The following P3H4 variants were observed in gnomAD, a reference collection of about 807,000 sequenced individuals.
The protein encoded by P3H4 is endoplasmic reticulum protein SC65.
P3H4 carries 47 observed loss-of-function variants against 52.9 expected under a neutral mutation model. The observed-to-expected ratio is 0.89, with a 90% CI of 0.70 to 1.13. The LOEUF is 1.13. Ranked by LOEUF, P3H4 falls within the 50% of genes most tolerant of loss-of-function variation. The pLI is 0.00. For missense variants in P3H4, 585 were observed against 611.0 expected (o/e 0.96, Z 0.45); for synonymous variants, 256 against 267.9 (o/e 0.96, Z 0.44).
chr17:41,803,000 C>T (rs368602485), intron 7 of P3H4, 21 bp from the exon 8 acceptor site: 1 of 1,609,460 alleles, frequency 6.2e-7, no homozygotes. Context: ...AAGGAGAAAG[C>T]ACTGGGGTTG....
At chr17:41,807,255 G>A in intron 5 of P3H4, 1 of 288,054 alleles carries the variant, frequency 3.5e-6, no homozygotes. Context: ...GGTAGGGAGG[G>A]GAGCAGGTAG....
At chr17:41,803,532 G>C (rs1419229083) in intron 6 of P3H4, 101 bp from the exon 7 acceptor site, 1 of 1,052,562 alleles carries the variant, frequency 9.5e-7, no homozygotes, top group East Asian at 2.6e-5. Flanking sequence ...CCATCTCTCG[G>C]TCCCCAAAGC....
intron 5 of P3H4, 41 bp from the exon 6 acceptor site, chr17:41,806,920 C>T (rs782723140): frequency 4.9e-5 from 75 of 1,531,570 alleles, no homozygotes; most frequent in Non-Finnish European, 6.7e-5. Context: ...GAGCCATACC[C>T]TGTTGCCAGA....
intron 3 of P3H4, 111 bp downstream of exon 3, chr17:41,810,752 T>TC (rs1328037863): frequency 7.4e-7 from 1 of 1,351,544 alleles, no homozygotes; most frequent in Non-Finnish European, 1.0e-6. Context: ...AAGGCCTTCC[T>TC]CCCGGCTGGC....
chr17:41,805,663 G>C (rs1259343951), intron 6 of P3H4, among the ~76,000 whole-genome samples: 4 of 152,080 alleles, frequency 2.6e-5, no homozygotes, highest in Non-Finnish European at 1.5e-5. Context: ...TGTGAGATGG[G>C]CATGATTCTC....
At position 41,808,121 on chromosome 17, in the gene P3H4, C is replaced by T. The variant is rs191086760; in HGVS notation, c.917-117G>A. 47 of 1,290,362 alleles carry T rather than the reference C, an allele frequency of 3.6e-5. No homozygotes were observed. In the East Asian group the frequency reaches 1.1e-3, roughly 31 times the overall value. 79.9% of individuals were successfully genotyped at this position (1,290,362 alleles called of 1,614,324 possible). On this transcript the variant is annotated intron_variant, in intron 4 of 7. Transcript: ENST00000393928. ...GCCACCTCCCAGAATACCTAATGGG[C>T]TCCTTATCCCACCCAAGCATAATGC...
chr17:41,803,475 GC>G, intron 6 of P3H4, 44 bp from the exon 7 acceptor site: 1 of 1,593,196 alleles, frequency 6.3e-7, no homozygotes, highest in East Asian at 2.3e-5. Context: ...GTCACAGTAC[GC>G]CCAAACCCAT....
In P3H4 at chr17:41,803,377, C is replaced by A; in HGVS notation, c.1201G>T (p.Ala401Ser). The part of the protein sequence containing the change: ...PLEPEDALSD[A>S]EFEGEGDYEE... Reference sequence around the variant, plus strand: ...TAGTCACCCTCCCCCTCAAACTCGGCGTCAGATAGGGCATCCTCAGGCTCC... The same window carrying A: ...TAGTCACCCTCCCCCTCAAACTCGGAGTCAGATAGGGCATCCTCAGGCTCC... Residue 401 changes from alanine (A) to serine (S), a missense_variant, in exon 7 of 8, where the codon GCC (alanine) becomes TCC (serine). Physicochemically the swap from Ala to Ser is moderately conservative, Grantham distance 99. Coordinates refer to ENST00000393928, the MANE Select transcript of P3H4 (RefSeq NM_006455.3). 1 of 1,614,016 alleles carries A rather than the reference C, an allele frequency of 6.2e-7. No individual in the cohort carries two copies. The highest frequency in any genetic ancestry group is 8.5e-7 in the Non-Finnish European group (1 of 1,179,932).
At chr17:41,808,036 G>A in intron 4 of P3H4, 32 bp from the exon 5 acceptor site, 1 of 1,596,492 alleles carries the variant, frequency 6.3e-7, no homozygotes, top group South Asian at 1.1e-5. Context: ...GAATTGCTCT[G>A]GCACTTCCCC....
Position 41,808,748 on chromosome 17 carries a change from TTAGA to T in P3H4, c.917-748_917-745del, listed in dbSNP as rs576894391. Among the ~76,000 whole-genome samples, 297 of 152,034 alleles carry T rather than the reference TTAGA, an allele frequency of 2.0e-3. 3 individuals are homozygous for T. The highest frequency in any genetic ancestry group is 6.8e-3 in the African/African-American group (283 of 41,460). ...TCAAGAAATCTGAGTCACAGAGAGGTTAGATAAATTGCTCAAGCTCACACAGCTG... is the reference window on the plus strand; with the variant it reads ...TCAAGAAATCTGAGTCACAGAGAGGTTAAATTGCTCAAGCTCACACAGCTG... On this transcript the variant is annotated intron_variant, in intron 4 of 7. Coordinates refer to ENST00000393928, the MANE Select transcript of P3H4 (RefSeq NM_006455.3).
In P3H4 at chr17:41,810,958, AAGGCCCGCTCC is replaced by A. The variant is rs782045534; in HGVS notation, c.681_691del (p.Met227IlefsTer16). 4 of 1,614,156 alleles carry A rather than the reference AAGGCCCGCTCC, an allele frequency of 2.5e-6. No individual in the cohort carries two copies. In the South Asian group the frequency reaches 4.4e-5, roughly 18 times the overall value. ...GGCAAAGACTGCCAGGTACTCTGAC[AAGGCCCGCTCC>A]ATGTCCTCCGTGCTGCTGCGGAAAT... On this transcript the variant is annotated frameshift_variant, in exon 3 of 8. Transcript: ENST00000393928. LOFTEE classifies it high-confidence loss of function.
intron 7 of P3H4, 129 bp downstream of exon 7, chr17:41,803,158 G>A: frequency 6.9e-7 from 1 of 1,454,728 alleles, no homozygotes. Context: ...CAACAGGCTG[G>A]AGGCCCCTGG....
chr17:41,806,218 C>CA (rs112940373), intron 6 of P3H4, among the ~76,000 whole-genome samples: 299 of 140,166 alleles, frequency 2.1e-3, no homozygotes, highest in African/African-American at 6.1e-3. Flanking sequence ...GACTCCATCT[C>CA]AAAAAAAAAA....
chr17:41,807,722 TCTC>T, intron 5 of P3H4, 134 bp downstream of exon 5: 2 of 1,078,162 alleles, frequency 1.9e-6, no homozygotes, highest in South Asian at 1.6e-5. Context: ...ATGGTCCTGA[TCTC>T]CTGACCTCGT....
In P3H4 at chr17:41,810,842, C is replaced by T. The variant is rs782028872; in HGVS notation, c.787+21G>A. On this transcript the variant is annotated intron_variant, in intron 3 of 7. Transcript: ENST00000393928. ...CCCTGTGGGTGAGAGGACCGCCCAC[C>T]GTGGTCTGGGTGGCAGATACCTGCT... is the stretch of plus-strand genomic sequence containing the variant. 26 of 1,601,726 alleles carry T rather than the reference C, an allele frequency of 1.6e-5. No homozygotes were observed. The East Asian group carries it at 3.4e-4, about 21-fold the overall frequency.
In P3H4 at chr17:41,802,913, G is replaced by A. The variant is rs115439797; in HGVS notation, c.*44C>T. 2,503 of 1,603,576 alleles carry A rather than the reference G, an allele frequency of 1.6e-3. 51 individuals carry two copies. The African/African-American group carries it at 0.029, about 19-fold the overall frequency. On this transcript the variant is annotated 3_prime_UTR_variant, in exon 8 of 8. Coordinates refer to ENST00000393928, the MANE Select transcript of P3H4 (RefSeq NM_006455.3). Reference sequence around the variant, plus strand: ...CCAGGCTGGTGAGGGTGGGGCCATCGGCACCAGGCTTCCCAAGCTTGAGCG... The same window carrying A: ...CCAGGCTGGTGAGGGTGGGGCCATCAGCACCAGGCTTCCCAAGCTTGAGCG...
At chr17:41,810,431 C>T (rs2047717314) in intron 3 of P3H4, among the ~76,000 whole-genome samples, 1 of 152,088 alleles carries the variant, frequency 6.6e-6, no homozygotes, top group Non-Finnish European at 1.5e-5. Flanking sequence ...CTCGGCCTCC[C>T]AGAGTGCTGA....
rs1185578619 is a variant in P3H4, at chr17:41,811,031, C to G, written c.619G>C (p.Val207Leu). 1.2e-6 allele frequency: 2 copies of G among 1,611,902 alleles called. No homozygotes were observed. Among genetic ancestry groups the G allele is most frequent in the East Asian group, 4.5e-5 (2 of 44,820 alleles). Residue 207 changes from valine (V) to leucine (L), a missense_variant, in exon 3 of 8, where the codon GTG becomes CTG. Coordinates refer to ENST00000393928, the MANE Select transcript of P3H4 (RefSeq NM_006455.3). The surrounding 1 kb of genome is among the most constrained non-coding windows in gnomAD (Gnocchi z 4.8). ...TAGAGCTTCACAGCCCGGAGGAACA[C>G]GGCCTGGAAGGGGCGTGGCAGGGGG... ...TDLEAQPYEA[V>L]FLRAVKLYNS...
Position 41,802,714 on chromosome 17 carries a change from G to T in P3H4, c.*243C>A. 1 of 432,924 alleles carries T rather than the reference G, an allele frequency of 2.3e-6. No individual in the cohort carries two copies. The highest frequency in any genetic ancestry group is 4.1e-6 in the Non-Finnish European group (1 of 245,938). The allele number at this position is 432,924 out of a possible 1,614,324, so 26.8% of individuals were successfully genotyped here. On this transcript the variant is annotated 3_prime_UTR_variant, in exon 8 of 8. Coordinates refer to ENST00000393928, the MANE Select transcript of P3H4 (RefSeq NM_006455.3). Reference sequence around the variant, plus strand: ...TTTCAGGCGCCTGCCACCACACCCGGCTAATTTATGTATTTTAGTAGAGAC... The same window carrying T: ...TTTCAGGCGCCTGCCACCACACCCGTCTAATTTATGTATTTTAGTAGAGAC...
Sources: gnomAD v4.1 joint callset for allele counts (sites outside exome capture counted in the v4.1 genomes callset) on GRCh38, gnomAD v4.1.1 for gene constraint, Gnocchi (gnomAD v3.1) non-coding constraint, MANE v1.5 for transcripts, NCBI Gene and HGNC (gene_info 2026-07-23, HGNC 2026-07-21) for gene names.